DCDC1: variants seen among roughly 807,000 people sequenced by gnomAD.
The protein encoded by DCDC1 is doublecortin domain containing 1.
A neutral mutation model predicts 178.3 loss-of-function variants in DCDC1; 200 were observed. The observed-to-expected ratio is 1.12, with a 90% confidence interval of 1.00 to 1.26. The LOEUF is 1.26. Ranked by LOEUF, DCDC1 falls within the 50% of genes most tolerant of loss-of-function variation. The pLI is 0.00. For missense variants in DCDC1, 1,983 were observed against 1,749.2 expected (o/e 1.13, Z -2.38); for synonymous variants, 690 against 604.8 (o/e 1.14, Z -2.07).
intron 20 of DCDC1, among the ~76,000 whole-genome samples, chr11:30,973,280 A>AAAT (rs1395688022): frequency 6.6e-6 from 1 of 150,794 alleles, no homozygotes; most frequent in East Asian, 1.9e-4. Flanking sequence ...TCTCAAAAAA[A>AAAT]AAAAAAAAAA....
At chr11:31,332,806 T>C (rs1314657633) in intron 2 of DCDC1, among the ~76,000 whole-genome samples, 3 of 152,208 alleles carry the variant, frequency 2.0e-5, no homozygotes, top group African/African-American at 7.2e-5. Context: ...TCCAACTATG[T>C]GGTCAATTTT....
rs11031266 is a variant in DCDC1 at position 31,021,277 on chromosome 11, C to T, written c.2591+43192G>A. ...TATATGCAGTGAACAAAGTACAAGG[C>T]TAATCATGAGACAGCATTGATTTAA... is the stretch of plus-strand genomic sequence containing the variant. On this transcript the variant is annotated intron_variant, in intron 20 of 38. Transcript: ENST00000684477. Among the ~76,000 whole-genome samples, 798 of 152,238 alleles carry T rather than the reference C, an allele frequency of 5.2e-3. 9 individuals are homozygous for T. The highest frequency in any genetic ancestry group is 0.018 in the African/African-American group (762 of 41,554).
chr11:31,321,324 C>T (rs1459281953), intron 3 of DCDC1, among the ~76,000 whole-genome samples: 1 of 120,592 alleles, frequency 8.3e-6, no homozygotes, highest in African/African-American at 3.2e-5. Flanking sequence ...GGGCGTAGGA[C>T]CCTCTGAGCC....
intron 10 of DCDC1, among the ~76,000 whole-genome samples, chr11:31,129,624 T>C (rs1962162839): frequency 6.6e-6 from 1 of 151,954 alleles, no homozygotes. Context: ...ATTTTGCAGA[T>C]CCCTCTTCTA....
intron 9 of DCDC1, among the ~76,000 whole-genome samples, chr11:31,196,938 G>A (rs1970762508): frequency 6.6e-6 from 1 of 152,026 alleles, no homozygotes; most frequent in African/African-American, 2.4e-5. Flanking sequence ...CTCTACTCAC[G>A]CTAAAGATTC....
At chr11:31,046,615 G>GGA (rs1555024913) in intron 20 of DCDC1, among the ~76,000 whole-genome samples, 2 of 140,442 alleles carry the variant, frequency 1.4e-5, no homozygotes, top group Non-Finnish European at 1.6e-5. Context: ...GCCTCAGTAA[G>GGA]AAAAAAAAAA....
chr11:31,309,704 TC>T (rs1177010932), intron 3 of DCDC1, among the ~76,000 whole-genome samples: 25 of 152,336 alleles, frequency 1.6e-4, no homozygotes, highest in East Asian at 3.9e-4. Flanking sequence ...TGTATTTTTT[TC>T]ATTATGAAAT....
intron 38 of DCDC1, among the ~76,000 whole-genome samples, chr11:30,873,734 T>C (rs548304462): frequency 6.6e-6 from 1 of 152,270 alleles, no homozygotes; most frequent in South Asian, 2.1e-4. Context: ...CCTCTCCTTG[T>C]TCCAAAGCTC....
At chr11:31,139,133 G>A (rs989000816) in intron 9 of DCDC1, among the ~76,000 whole-genome samples, 16 of 151,644 alleles carry the variant, frequency 1.1e-4, no homozygotes, top group African/African-American at 2.4e-4. Flanking sequence ...ATATATACAC[G>A]TATATACATA....
intron 34 of DCDC1, among the ~76,000 whole-genome samples, chr11:30,894,681 T>C (rs1490982748): frequency 6.6e-6 from 1 of 152,228 alleles, no homozygotes; most frequent in East Asian, 1.9e-4. Flanking sequence ...GGTTCAGCAG[T>C]AATTTAGTCA....
Position 31,078,567 on chromosome 11 carries a change from A to T in DCDC1, c.2238-642T>A, listed in dbSNP as rs1325975586. Among the ~76,000 whole-genome samples the T allele has an allele frequency of 2.6e-5, 4 of 152,358 alleles. No individual in the cohort carries two copies. In the East Asian group the frequency reaches 7.7e-4, roughly 29 times the overall value. On this transcript the variant is annotated intron_variant, in intron 17 of 38. Transcript: ENST00000684477. The stretch of plus-strand genomic sequence containing the variant: ...ACTGCCTCTGAGTTTTGACAGAAAC[A>T]TCAAAGGTTGAGTATAAGAGGTGTC...
At chr11:30,998,958 T>A (rs914124300) in intron 20 of DCDC1, among the ~76,000 whole-genome samples, 1 of 152,168 alleles carries the variant, frequency 6.6e-6, no homozygotes, top group Non-Finnish European at 1.5e-5. Context: ...CCCCCTGATA[T>A]AATGCAATAA....
At chr11:31,287,255 A>G (rs961030291) in intron 7 of DCDC1, among the ~76,000 whole-genome samples, 1 of 151,892 alleles carries the variant, frequency 6.6e-6, no homozygotes, top group African/African-American at 2.4e-5. Flanking sequence ...AAAAACAAGT[A>G]CTCAGAGAAA....
At chr11:31,189,807 C>T (rs1969930387) in intron 9 of DCDC1, among the ~76,000 whole-genome samples, 1 of 152,194 alleles carries the variant, frequency 6.6e-6, no homozygotes, top group Admixed American at 6.6e-5. Flanking sequence ...CATGGATAAT[C>T]CAGGATAGCC....
At chr11:31,016,509 T>C (rs943656442) in intron 20 of DCDC1, among the ~76,000 whole-genome samples, 5 of 152,328 alleles carry the variant, frequency 3.3e-5, no homozygotes, top group Non-Finnish European at 7.3e-5. Context: ...TGAAGTGTTA[T>C]ATGAAAACTG....
rs138098292 is a variant in DCDC1 at position 31,151,294 on chromosome 11, G to T, written c.1222-13510C>A. Among the ~76,000 whole-genome samples, 85 of 152,232 alleles carry T rather than the reference G, an allele frequency of 5.6e-4. 1 individual carries two copies. Among genetic ancestry groups the T allele is most frequent in the African/African-American group, 1.8e-3 (74 of 41,528 alleles). On this transcript the variant is annotated intron_variant, in intron 9 of 38. Transcript: ENST00000684477. ...AAAATAGCTAGATAGTAACAAACTG[G>T]CAATTTTTAAATTCAAATCGAAGCA...
intron 9 of DCDC1, among the ~76,000 whole-genome samples, chr11:31,176,865 A>C (rs1968104067): frequency 6.6e-6 from 1 of 152,222 alleles, no homozygotes; most frequent in Middle Eastern, 3.2e-3. Flanking sequence ...GAGGGAATTC[A>C]TCACCATTAG....
intron 20 of DCDC1, among the ~76,000 whole-genome samples, chr11:30,965,049 G>C (rs1019481780): frequency 3.3e-5 from 5 of 152,190 alleles, no homozygotes; most frequent in African/African-American, 1.2e-4. Context: ...CCTGAAGACA[G>C]GGTGAGTGAG....
At chr11:31,330,694 G>A (rs1422357657) in intron 2 of DCDC1, among the ~76,000 whole-genome samples, 1 of 152,184 alleles carries the variant, frequency 6.6e-6, no homozygotes. Flanking sequence ...GTTTGTCAAA[G>A]ATCAGAGGGC....
Sources: allele counts gnomAD v4.1 joint callset (sites outside exome capture counted in the v4.1 genomes callset), GRCh38; gene constraint gnomAD v4.1.1; transcripts MANE v1.5; gene names NCBI Gene and HGNC (gene_info 2026-07-23, HGNC 2026-07-21).